GMDS: variants seen among roughly 807,000 people sequenced by gnomAD.
GMDS encodes the protein GDP-mannose 4,6 dehydratase.
In GMDS, 20 loss-of-function variants were observed where a neutral mutation model predicts 49.9. The ratio of observed to expected loss-of-function variants is 0.40; its 90% CI spans 0.28 to 0.58. The LOEUF (loss-of-function observed/expected upper bound fraction) is 0.58. Ranked by LOEUF, GMDS falls within the 20% of genes least tolerant of loss-of-function variation. The pLI, the probability that GMDS is intolerant of heterozygous loss-of-function variation, is 0.42. For synonymous variants in GMDS, 177 were observed against 178.6 expected (o/e 0.99, Z 0.07); for missense variants, 362 against 481.4 (o/e 0.75, Z 2.32).
intron 7 of GMDS, among the ~76,000 whole-genome samples, chr6:1,824,765 T>C (rs1771038948): frequency 6.6e-6 from 1 of 152,220 alleles, no homozygotes; most frequent in African/African-American, 2.4e-5. Flanking sequence ...ATAATGCCTA[T>C]TAAGTACCTG....
chr6:1,751,421 C>CA (rs1413946963), intron 7 of GMDS, among the ~76,000 whole-genome samples: 6 of 151,920 alleles, frequency 3.9e-5, no homozygotes, highest in South Asian at 2.1e-4. Flanking sequence ...CTGGTGATAC[C>CA]AAAAAAAACT....
rs1410334535 is a variant in GMDS at position 1,883,565 on chromosome 6, A to G, written c.771+46538T>C. The stretch of plus-strand genomic sequence containing the variant: ...TATAAAATCATAGATTTTAAAAGCT[A>G]GAAATACTCTCAGATACATGAGCTC... On this transcript the variant is annotated intron_variant, in intron 7 of 10. Transcript: ENST00000380815. 2.0e-5 allele frequency among the ~76,000 whole-genome samples: 3 copies of G among 152,210 alleles called. No homozygotes were observed. In the East Asian group the frequency reaches 5.8e-4, roughly 29 times the overall value.
chr6:1,917,078 C>G (rs770059937), intron 7 of GMDS, among the ~76,000 whole-genome samples: 4 of 152,184 alleles, frequency 2.6e-5, no homozygotes, highest in African/African-American at 9.7e-5. Context: ...CAGTTTCCTT[C>G]ACACTCAGTT....
chr6:1,624,422 T>C, intron 10 of GMDS, 50 bp downstream of exon 10: 6 of 1,530,096 alleles, frequency 3.9e-6, no homozygotes, highest in African/African-American at 1.4e-5. Context: ...GCTGCCGCCC[T>C]GCAGCCCGGG....
At chr6:1,903,407 A>G (rs1440580000) in intron 7 of GMDS, among the ~76,000 whole-genome samples, 2 of 152,194 alleles carry the variant, frequency 1.3e-5, no homozygotes, top group Non-Finnish European at 2.9e-5. Flanking sequence ...GAGTACATGG[A>G]ATTGTGTGGA....
intron 4 of GMDS, among the ~76,000 whole-genome samples, chr6:2,074,611 A>G (rs1772214699): frequency 6.6e-6 from 1 of 152,050 alleles, no homozygotes; most frequent in Admixed American, 6.6e-5. Flanking sequence ...TGTTTTCCCT[A>G]TGTTTTATTC....
At chr6:2,079,478 G>C (rs1772545656) in intron 4 of GMDS, among the ~76,000 whole-genome samples, 1 of 152,040 alleles carries the variant, frequency 6.6e-6, no homozygotes, top group African/African-American at 2.4e-5. Flanking sequence ...AAGTTTTCAT[G>C]ATGGTAAATG....
At chr6:1,905,541 A>G (rs35683003) in intron 7 of GMDS, among the ~76,000 whole-genome samples, 5 of 126,882 alleles carry the variant, frequency 3.9e-5, no homozygotes, top group South Asian at 2.6e-4. Context: ...TGTAGGTTGG[A>G]CCTCAAAGGT....
Position 1,766,039 on chromosome 6 carries a change from C to T in GMDS, c.772-23453G>A, listed in dbSNP as rs559668361. On this transcript the variant is annotated intron_variant, in intron 7 of 10. Transcript: ENST00000380815. The surrounding 1 kb of genome is among the most constrained non-coding windows in gnomAD (Gnocchi z 4.5). ...CTCTACTTCAGAAATCAGCTGCAAA[C>T]GTCCTCTCTCCCAGTGGGCAGAGCG... Among the ~76,000 whole-genome samples the T allele has an allele frequency of 3.7e-4, 57 of 152,248 alleles. 3 individuals are homozygous for T. In the South Asian group the frequency reaches 0.011, roughly 30 times the overall value.
Position 1,873,225 on chromosome 6 carries a change from C to T in GMDS, c.771+56878G>A, listed in dbSNP as rs540714118. Among the ~76,000 whole-genome samples the T allele has an allele frequency of 3.0e-4, 45 of 152,360 alleles. No individual in the cohort carries two copies. The South Asian group carries it at 7.4e-3, about 25-fold the overall frequency. On this transcript the variant is annotated intron_variant, in intron 7 of 10. Transcript: ENST00000380815. ...AATGCTTTGAAGAGAAAAGGGTTAT[C>T]TATACCAGTCCTAAAGATTATGATT... is the stretch of plus-strand genomic sequence containing the variant.
intron 1 of GMDS, among the ~76,000 whole-genome samples, chr6:2,159,452 T>C (rs1777273016): frequency 6.6e-6 from 1 of 151,792 alleles, no homozygotes; most frequent in Non-Finnish European, 1.5e-5. Context: ...GACTAATATC[T>C]ACATACATTT....
intron 4 of GMDS, among the ~76,000 whole-genome samples, chr6:2,098,817 C>A (rs1317711606): frequency 6.6e-6 from 1 of 151,996 alleles, no homozygotes; most frequent in Non-Finnish European, 1.5e-5. Context: ...AGCTATAAAT[C>A]CTGGAATCTT....
chr6:2,204,568 A>C (rs1779701408), intron 1 of GMDS, among the ~76,000 whole-genome samples: 1 of 152,234 alleles, frequency 6.6e-6, no homozygotes, highest in South Asian at 2.1e-4. Flanking sequence ...ACTTAAATCA[A>C]TTAAAATGAA....
chr6:2,098,403 T>A (rs1302941811), intron 4 of GMDS, among the ~76,000 whole-genome samples: 3 of 152,220 alleles, frequency 2.0e-5, no homozygotes, highest in Non-Finnish European at 2.9e-5. Flanking sequence ...GAAAATTTAG[T>A]AATAAAGAAA....
chr6:1,890,978 G>T lies in GMDS; in HGVS notation c.771+39125C>A, dbSNP rs557875692. Among the ~76,000 whole-genome samples, 3 of 152,260 alleles carry T rather than the reference G, an allele frequency of 2.0e-5. No homozygotes were observed. The East Asian group carries it at 5.8e-4, about 29-fold the overall frequency. Reference sequence around the variant, plus strand: ...TGTGACGTTCCTTCCCCACTGATTTGTCTGGGTACCATTGTTGAAAATCAA... The same window carrying T: ...TGTGACGTTCCTTCCCCACTGATTTTTCTGGGTACCATTGTTGAAAATCAA... On this transcript the variant is annotated intron_variant, in intron 7 of 10. Transcript: ENST00000380815.
chr6:2,174,757 C>T (rs951339680), intron 1 of GMDS, among the ~76,000 whole-genome samples: 1 of 151,940 alleles, frequency 6.6e-6, no homozygotes, highest in African/African-American at 2.4e-5. Flanking sequence ...TTAGTAGAGA[C>T]GGGATTGCAC....
chr6:1,895,959 T>C lies in GMDS; in HGVS notation c.771+34144A>G, dbSNP rs556292409. On this transcript the variant is annotated intron_variant, in intron 7 of 10. Transcript: ENST00000380815. ...ACTTACCGAGCCACAGTGCAGGCAC[T>C]GAAGCTACAAAGCTGAGTGATTCAT... 4.6e-5 allele frequency among the ~76,000 whole-genome samples: 7 copies of C among 152,290 alleles called. No homozygotes were observed. In the East Asian group the frequency reaches 1.4e-3, roughly 29 times the overall value.
chr6:1,648,386 C>G (rs1441847285), intron 9 of GMDS, among the ~76,000 whole-genome samples: 1 of 152,164 alleles, frequency 6.6e-6, no homozygotes, highest in Admixed American at 6.5e-5. Flanking sequence ...ATGTAGCTGC[C>G]CACTTATTTG....
chr6:1,648,150 T>C (rs1173436956), intron 9 of GMDS, among the ~76,000 whole-genome samples: 1 of 152,210 alleles, frequency 6.6e-6, no homozygotes, highest in Non-Finnish European at 1.5e-5. Context: ...TTAGATGGAA[T>C]AGGCCTGGGG....
Sources: allele counts gnomAD v4.1 joint callset (sites outside exome capture counted in the v4.1 genomes callset), GRCh38; gene constraint gnomAD v4.1.1; non-coding constraint Gnocchi (gnomAD v3.1); transcripts MANE v1.5; gene names NCBI Gene and HGNC (gene_info 2026-07-23, HGNC 2026-07-21).